The following GRP variants were observed in gnomAD, a reference collection of about 807,000 sequenced individuals.
GRP encodes the protein gastrin releasing peptide.
In GRP, 11 loss-of-function variants were observed where a neutral mutation model predicts 12.7. The ratio of observed to expected loss-of-function variants is 0.87; its 90% CI spans 0.55 to 1.44. The LOEUF (loss-of-function observed/expected upper bound fraction) is 1.44. GRP is among the 40% of genes most tolerant of loss of function. The probability of loss-of-function intolerance (pLI) is 0.00; values close to 1 mark genes in which losing one functional copy is unlikely to be tolerated. For missense variants in GRP, 212 were observed against 185.4 expected, an observed-to-expected ratio of 1.14 and a Z score of -0.83; for synonymous variants, 84 against 77.7, an observed-to-expected ratio of 1.08 and a Z score of -0.43.
At chr18:59,219,696 C>T (rs1170385151), upstream of GRP, among the ~76,000 whole-genome samples, 1 of 152,100 alleles carries the variant, frequency 6.6e-6, no homozygotes, top group African/African-American at 2.4e-5. Context: ...AGAGAAAGGT[C>T]TGGAGAATCA....
intron 1 of GRP, among the ~76,000 whole-genome samples, chr18:59,224,107 C>A (rs1020065399): frequency 6.6e-6 from 1 of 152,074 alleles, no homozygotes; most frequent in Non-Finnish European, 1.5e-5. Flanking sequence ...TTTCCAGATC[C>A]CAGAATGATT....
At position 59,220,377 on chromosome 18, in the gene GRP, T is replaced by G. The variant is rs1205705858; in HGVS notation, c.112T>G (p.Tyr38Asp). Residue 38 changes from tyrosine to aspartate, a missense_variant, in exon 1 of 3, where the codon TAC becomes GAC. Tyr to Asp is a radical substitution (Grantham distance 160, BLOSUM62 -3). Coordinates refer to ENST00000256857, the MANE Select transcript of GRP (RefSeq NM_002091.5). Reference sequence around the variant, plus strand: ...CGGAGGGACCGTGCTGACCAAGATGTACCCGCGCGGCAACCACTGGGCGGT... The same window carrying G: ...CGGAGGGACCGTGCTGACCAAGATGGACCCGCGCGGCAACCACTGGGCGGT... ...AGGGTVLTKM[Y>D]PRGNHWAVGH... The G allele has an allele frequency of 7.0e-7, 1 of 1,423,452 alleles. No individual in the cohort carries two copies. Among genetic ancestry groups the G allele is most frequent in the African/African-American group, 1.5e-5 (1 of 66,946 alleles). 88.2% of individuals were successfully genotyped at this position (1,423,452 alleles called of 1,614,324 possible).
At chr18:59,221,595 C>CTGTGTG (rs143541111) in intron 1 of GRP, among the ~76,000 whole-genome samples, 34 of 149,870 alleles carry the variant, frequency 2.3e-4, no homozygotes, top group African/African-American at 7.1e-4. Flanking sequence ...GTGTGTGTCT[C>CTGTGTG]TGTGTGTGTG....
intron 1 of GRP, among the ~76,000 whole-genome samples, chr18:59,224,369 T>C (rs978766219): frequency 6.6e-6 from 1 of 152,220 alleles, no homozygotes; most frequent in Non-Finnish European, 1.5e-5. Flanking sequence ...TGTTGGTGGA[T>C]AGAACTTCTG....
intron 2 of GRP, among the ~76,000 whole-genome samples, chr18:59,227,478 C>G (rs186738190): frequency 3.3e-5 from 5 of 152,142 alleles, no homozygotes; most frequent in South Asian, 2.1e-4. Context: ...AGCTGCCATG[C>G]CTTTTTCATG....
chr18:59,220,234 C>A lies in GRP; in HGVS notation c.-32C>A. On this transcript the variant is annotated 5_prime_UTR_variant, in exon 1 of 3. Coordinates refer to ENST00000256857, the MANE Select transcript of GRP (RefSeq NM_002091.5). ...CCAGTCTCTGCTCTTCCCAGCCTCT[C>A]CGGCGCGCTCCAAGGGCTTCCCGTC... is the stretch of plus-strand genomic sequence containing the variant. 1 of 1,431,520 alleles carries A rather than the reference C, an allele frequency of 7.0e-7. No homozygotes were observed. The highest frequency in any genetic ancestry group is 1.4e-5 in the South Asian group (1 of 70,682). 88.7% of individuals were successfully genotyped at this position (1,431,520 alleles called of 1,614,324 possible).
At chr18:59,225,232 A>T (rs1000413706) in intron 1 of GRP, among the ~76,000 whole-genome samples, 2 of 152,174 alleles carry the variant, frequency 1.3e-5, no homozygotes, top group South Asian at 2.1e-4. Flanking sequence ...AGGTGACCTA[A>T]CTAGTTAGGA....
At position 59,220,325 on chromosome 18, in the gene GRP, G is replaced by A; in HGVS notation, c.60G>A (p.Arg20=). The change falls in exon 1 of 3, where the codon CGG becomes CGA. Residue 20 remains arginine (R), a synonymous_variant. Transcript: ENST00000256857. The stretch of plus-strand genomic sequence containing the variant: ...CGCTGGTCCTCTGCCTGGCGCCCCG[G>A]GGGCGAGCGGTCCCGCTGCCTGCGG... ...LLALVLCLAP[R]GRAVPLPAGG... 6.7e-7 allele frequency: 1 copy of A among 1,498,004 alleles called. No individual in the cohort carries two copies. The highest frequency in any genetic ancestry group is 8.9e-7 in the Non-Finnish European group (1 of 1,127,402). The allele number at this position is 1,498,004 out of a possible 1,614,324, so 92.8% of individuals were successfully genotyped here.
intron 1 of GRP, among the ~76,000 whole-genome samples, chr18:59,223,589 T>C (rs1013180960): frequency 5.9e-5 from 9 of 152,368 alleles, no homozygotes; most frequent in Admixed American, 2.6e-4. Flanking sequence ...TTCTCTGTTT[T>C]ACTGGCAATA....
intron 2 of GRP, among the ~76,000 whole-genome samples, chr18:59,226,106 A>C (rs2069916710): frequency 3.3e-5 from 5 of 152,116 alleles, no homozygotes; most frequent in African/African-American, 1.2e-4. Flanking sequence ...TCTGGTGAAC[A>C]CTAGTGGAAG....
At chr18:59,228,262 T>C (rs567220524) in intron 2 of GRP, among the ~76,000 whole-genome samples, 17 of 152,300 alleles carry the variant, frequency 1.1e-4, no homozygotes, top group African/African-American at 3.6e-4. Flanking sequence ...ACAATGATCT[T>C]ATTCAAAAAG....
chr18:59,223,690 A>C (rs978336629), intron 1 of GRP, among the ~76,000 whole-genome samples: 1 of 152,222 alleles, frequency 6.6e-6, no homozygotes, highest in Non-Finnish European at 1.5e-5. Flanking sequence ...CAGGATTCTA[A>C]TCCTGCCTTC....
chr18:59,225,557 C>A lies in GRP; in HGVS notation c.205C>A (p.Gln69Lys). 1 of 1,613,842 alleles carries A rather than the reference C, an allele frequency of 6.2e-7. No homozygotes were observed. Among genetic ancestry groups the A allele is most frequent in the Non-Finnish European group, 8.5e-7 (1 of 1,179,752 alleles). Residue 69 changes from glutamine to lysine, a missense_variant, in exon 2 of 3, where the codon CAG (glutamine) becomes AAG (lysine). Coordinates refer to ENST00000256857, the MANE Select transcript of GRP (RefSeq NM_002091.5). Reference sequence around the variant, plus strand: ...TGTTTCTGAGAGAGGGAGCCTGAAGCAGCAGCTGAGAGAGTACATCAGGTG... The same window carrying A: ...TGTTTCTGAGAGAGGGAGCCTGAAGAAGCAGCTGAGAGAGTACATCAGGTG... ...SSVSERGSLKQQLREYIRWEE... is the reference protein window; with the variant it reads ...SSVSERGSLKKQLREYIRWEE...
chr18:59,230,322 G>A, intron 2 of GRP, 82 bp from the exon 3 acceptor site: 7 of 832,316 alleles, frequency 8.4e-6, no homozygotes, highest in South Asian at 8.1e-5. Flanking sequence ...AAGTGATGCT[G>A]ATGACTTGTA....
At chr18:59,227,052 T>TCTTTCTTTCTTTCTTTCTTTCTTC (rs1555663463) in intron 2 of GRP, among the ~76,000 whole-genome samples, 1 of 115,418 alleles carries the variant, frequency 8.7e-6, no homozygotes. Flanking sequence ...TTTCTTTCTT[T>TCTTTCTTTCTTTCTTTCTTTCTTC]CTTCCTTTCT....
intron 2 of GRP, among the ~76,000 whole-genome samples, chr18:59,228,592 G>A (rs2144114463): frequency 6.6e-6 from 1 of 152,316 alleles, no homozygotes; most frequent in Non-Finnish European, 1.5e-5. Flanking sequence ...ACTGAAACTA[G>A]ATTGCTCGAC....
chr18:59,221,256 T>C (rs1010559655), intron 1 of GRP, among the ~76,000 whole-genome samples: 3 of 152,226 alleles, frequency 2.0e-5, no homozygotes, highest in African/African-American at 7.2e-5. Flanking sequence ...TCCCTCGCCA[T>C]GGCCCCTAGA....
chr18:59,226,501 T>C (rs1042578325), intron 2 of GRP, among the ~76,000 whole-genome samples: 1 of 152,370 alleles, frequency 6.6e-6, no homozygotes, highest in Non-Finnish European at 1.5e-5. Flanking sequence ...AGTATTGGGC[T>C]AAGCAGTTTA....
chr18:59,221,457 T>C (rs2069832307), intron 1 of GRP, among the ~76,000 whole-genome samples: 1 of 151,826 alleles, frequency 6.6e-6, no homozygotes, highest in African/African-American at 2.4e-5. Context: ...ACGCAGAGCG[T>C]CCAACTTCCT....
Sources: gnomAD v4.1 joint callset for allele counts (sites outside exome capture counted in the v4.1 genomes callset) on GRCh38, gnomAD v4.1.1 for gene constraint, MANE v1.5 for transcripts, NCBI Gene and HGNC (gene_info 2026-07-23, HGNC 2026-07-21) for gene names.